FLI1: variants seen among roughly 807,000 people sequenced by gnomAD.
FLI1 encodes Friend leukemia integration 1 transcription factor.
Under a neutral mutation model 53.1 loss-of-function variants are expected in FLI1, and 13 were observed. The observed-to-expected ratio is 0.24, with a 90% CI of 0.16 to 0.39. The LOEUF (loss-of-function observed/expected upper bound fraction) is 0.39, where lower values mean the gene tolerates loss of function less well. Ranked by LOEUF, FLI1 falls within the 10% of genes least tolerant of loss-of-function variation. The probability of loss-of-function intolerance (pLI) is 1.00; values close to 1 mark genes in which losing one functional copy is unlikely to be tolerated. For synonymous variants in FLI1, 244 were observed against 236.7 expected (o/e 1.03, Z -0.28); for missense variants, 424 against 600.5 (o/e 0.71, Z 3.07).
intron 1 of FLI1, among the ~76,000 whole-genome samples, chr11:128,709,759 T>G (rs1938707716): frequency 6.6e-6 from 1 of 152,204 alleles, no homozygotes; most frequent in African/African-American, 2.4e-5. Flanking sequence ...CAAATACCTA[T>G]GGCTGCCTCC....
chr11:128,796,939 C>G (rs1009447142), intron 5 of FLI1, among the ~76,000 whole-genome samples: 1 of 152,244 alleles, frequency 6.6e-6, no homozygotes, highest in Admixed American at 6.5e-5. Flanking sequence ...TGCGCCATTG[C>G]ACTCCAGCCT....
At chr11:128,749,899 A>G (rs1325311708) in intron 1 of FLI1, among the ~76,000 whole-genome samples, 5 of 152,220 alleles carry the variant, frequency 3.3e-5, no homozygotes, top group African/African-American at 1.2e-4. Flanking sequence ...AACAGCGGCC[A>G]CCTGCTCTTG....
At chr11:128,788,589 G>C (rs984026915) in intron 5 of FLI1, among the ~76,000 whole-genome samples, 16 of 152,212 alleles carry the variant, frequency 1.1e-4, no homozygotes, top group Admixed American at 8.5e-4. Flanking sequence ...TTTTCTGAGT[G>C]TAATGAAGAG....
intron 5 of FLI1, among the ~76,000 whole-genome samples, chr11:128,801,435 AC>A (rs1942633262): frequency 6.6e-6 from 1 of 152,060 alleles, no homozygotes. Context: ...AAAAATATGA[AC>A]CCTCACTTCA....
chr11:128,694,663 C>T (rs1302705495), intron 1 of FLI1, among the ~76,000 whole-genome samples: 1 of 152,124 alleles, frequency 6.6e-6, no homozygotes, highest in Non-Finnish European at 1.5e-5. Flanking sequence ...GGCCCCAGCG[C>T]TAGGCACTGG....
At chr11:128,693,840 T>C (rs149751111), upstream of FLI1, 740 of 222,254 alleles carry the variant, frequency 3.3e-3, 7 homozygotes, top group African/African-American at 0.018. Context: ...ATATAGTGTG[T>C]GATGCGAAAA....
chr11:128,714,710 C>CTTT (rs11381734), intron 1 of FLI1, among the ~76,000 whole-genome samples: 51 of 121,622 alleles, frequency 4.2e-4, no homozygotes, highest in African/African-American at 6.0e-4. Context: ...CTTGAAGGAC[C>CTTT]TTTTTTTTTT....
chr11:128,788,169 G>A (rs1942157033), intron 5 of FLI1, among the ~76,000 whole-genome samples: 1 of 152,078 alleles, frequency 6.6e-6, no homozygotes, highest in Middle Eastern at 3.2e-3. Context: ...TAGCCAAGCT[G>A]CTTTAAAACT....
chr11:128,802,289 G>A (rs12421884), intron 5 of FLI1, among the ~76,000 whole-genome samples: 18,173 of 152,180 alleles, frequency 0.12, 1,156 homozygotes, highest in East Asian at 0.17. Context: ...TTGACCAGAC[G>A]TCTCCTCGAG....
intron 1 of FLI1, among the ~76,000 whole-genome samples, chr11:128,702,225 A>G (rs1001884511): frequency 6.6e-6 from 1 of 152,250 alleles, no homozygotes; most frequent in Admixed American, 6.5e-5. Flanking sequence ...CCAGGCACCA[A>G]TCTCAATAGA....
chr11:128,765,808 T>A (rs1031754862), intron 2 of FLI1, among the ~76,000 whole-genome samples: 6 of 151,892 alleles, frequency 4.0e-5, no homozygotes, highest in South Asian at 2.1e-4. Context: ...TGTGTATGCG[T>A]GTGTGTGCAC....
chr11:128,768,436 C>A, intron 3 of FLI1, 164 bp downstream of exon 3: 1 of 752,768 alleles, frequency 1.3e-6, no homozygotes, highest in South Asian at 1.6e-5. Context: ...AATCCCAGCA[C>A]TTTGAGAGGC....
intron 1 of FLI1, among the ~76,000 whole-genome samples, chr11:128,694,983 C>T (rs1005700499): frequency 2.0e-5 from 3 of 152,134 alleles, no homozygotes; most frequent in Non-Finnish European, 2.9e-5. Flanking sequence ...AGCCCCCGTC[C>T]GCACAGATCC....
intron 1 of FLI1, among the ~76,000 whole-genome samples, chr11:128,697,799 G>T (rs1410604759): frequency 1.3e-5 from 2 of 152,182 alleles, no homozygotes; most frequent in African/African-American, 2.4e-5. Context: ...ATGTTGCAAG[G>T]CTCTGCACTG....
chr11:128,805,385 C>T lies in FLI1; in HGVS notation c.675C>T (p.Val225=), dbSNP rs759172206. The change falls in exon 6 of 9, where the codon GTC becomes GTT. Residue 225 remains valine, a synonymous_variant. Transcript: ENST00000527786. ...SVKEDPSYDS[V]RRGAWGNNMN... is the part of the protein sequence containing the mutation. ...CATTAGACCCTTCTTATGACTCAGT[C>T]AGAAGAGGAGCTTGGGGCAATAACA... 1.3e-6 allele frequency: 2 copies of T among 1,589,382 alleles called. No homozygotes were observed. Among genetic ancestry groups the T allele is most frequent in the African/African-American group, 1.3e-5 (1 of 74,654 alleles).
chr11:128,728,355 G>A (rs889690632), intron 1 of FLI1, among the ~76,000 whole-genome samples: 2 of 152,280 alleles, frequency 1.3e-5, no homozygotes, highest in African/African-American at 4.8e-5. Context: ...AAAGAGCTTA[G>A]TAATCACCTG....
chr11:128,764,237 C>T (rs1941243253), intron 2 of FLI1, among the ~76,000 whole-genome samples: 2 of 152,336 alleles, frequency 1.3e-5, no homozygotes, highest in Admixed American at 6.5e-5. Flanking sequence ...CAAGATCTTA[C>T]ACCTTGTTTT....
chr11:128,744,662 C>G lies in FLI1; in HGVS notation c.19-13453C>G, dbSNP rs75835802. Among the ~76,000 whole-genome samples the G allele has an allele frequency of 4.7e-3, 712 of 152,250 alleles. 4 individuals are homozygous for G. The highest frequency in any genetic ancestry group is 0.017 in the African/African-American group (689 of 41,530). Reference sequence around the variant, plus strand: ...TCACAAACCAGCAGAATGGAGAGCCCCCTCAACCCTCACATCAAAACCCTG... The same window carrying G: ...TCACAAACCAGCAGAATGGAGAGCCGCCTCAACCCTCACATCAAAACCCTG... On this transcript the variant is annotated intron_variant, in intron 1 of 8. Coordinates refer to ENST00000527786, the MANE Select transcript of FLI1 (RefSeq NM_002017.5).
upstream of FLI1, chr11:128,691,653 G>T (rs1937743506): frequency 6.6e-6 from 1 of 152,230 alleles, no homozygotes; most frequent in Non-Finnish European, 1.5e-5. Context: ...GAAACAGAAA[G>T]TGCGATGGAG....
Sources: allele counts gnomAD v4.1 joint callset (sites outside exome capture counted in the v4.1 genomes callset), GRCh38; gene constraint gnomAD v4.1.1; transcripts MANE v1.5; gene names NCBI Gene and HGNC (gene_info 2026-07-23, HGNC 2026-07-21).